EPYC: variants seen among roughly 807,000 people sequenced by gnomAD.
The protein encoded by EPYC is epiphycan, also known as dermatan sulfate proteoglycan 3.
In EPYC, 28 loss-of-function variants were observed where a neutral mutation model predicts 30.1. That is an observed-to-expected ratio of 0.93 (90% CI 0.69 to 1.28). EPYC has a LOEUF of 1.28. Ranked by LOEUF, EPYC falls within the 50% of genes most tolerant of loss-of-function variation. The pLI, the probability that EPYC is intolerant of heterozygous loss-of-function variation, is 0.00. For synonymous variants in EPYC, 144 were observed against 141.4 expected, an observed-to-expected ratio of 1.02 and a Z score of -0.13; for missense variants, 382 against 383.5, an observed-to-expected ratio of 1.00 and a Z score of 0.03.
intron 6 of EPYC, among the ~76,000 whole-genome samples, chr12:90,968,862 A>G (rs970327354): frequency 4.6e-5 from 7 of 151,982 alleles, no homozygotes; most frequent in African/African-American, 1.7e-4. Context: ...CTTTATATGC[A>G]TAGAAATTCA....
intron 6 of EPYC, among the ~76,000 whole-genome samples, chr12:90,968,934 C>T (rs972851982): frequency 1.3e-5 from 2 of 151,288 alleles, no homozygotes; most frequent in African/African-American, 4.9e-5. Context: ...AATACATATA[C>T]AATAGGCAAG....
chr12:90,992,573 A>C (rs1877610618), intron 2 of EPYC, among the ~76,000 whole-genome samples: 1 of 152,160 alleles, frequency 6.6e-6, no homozygotes, highest in South Asian at 2.1e-4. Context: ...TTAGCACAAA[A>C]AGGGGAATTC....
At chr12:90,989,225 G>A (rs1877524222) in intron 2 of EPYC, among the ~76,000 whole-genome samples, 1 of 151,722 alleles carries the variant, frequency 6.6e-6, no homozygotes, top group African/African-American at 2.4e-5. Context: ...TATTTTTGTT[G>A]CTTTATCCTC....
At chr12:90,989,943 T>C (rs77037202) in intron 2 of EPYC, among the ~76,000 whole-genome samples, 3,877 of 152,128 alleles carry the variant, frequency 0.025, 134 homozygotes, top group East Asian at 0.16. Context: ...TTTAGACACA[T>C]TATCTAATAG....
At chr12:90,979,503 T>A (rs1328555539) in intron 2 of EPYC, among the ~76,000 whole-genome samples, 1 of 152,204 alleles carries the variant, frequency 6.6e-6, no homozygotes. Context: ...CAAAAAATTT[T>A]AGGAATACAC....
chr12:90,978,880 C>A (rs1877259591), intron 2 of EPYC, among the ~76,000 whole-genome samples: 1 of 151,972 alleles, frequency 6.6e-6, no homozygotes, highest in Admixed American at 6.6e-5. Context: ...TTGTGATATG[C>A]CATTTCTCAT....
intron 3 of EPYC, 29 bp from the exon 4 acceptor site, chr12:90,973,009 T>C: frequency 6.8e-7 from 1 of 1,460,122 alleles, no homozygotes; most frequent in Non-Finnish European, 9.4e-7. Context: ...TAAAATTAAA[T>C]GTAAGTACCA....
At chr12:90,990,469 T>C (rs576215474) in intron 2 of EPYC, among the ~76,000 whole-genome samples, 22 of 152,284 alleles carry the variant, frequency 1.4e-4, no homozygotes, top group Non-Finnish European at 2.5e-4. Flanking sequence ...GTTAATTTTT[T>C]ATTACTGTCC....
intron 2 of EPYC, among the ~76,000 whole-genome samples, chr12:90,990,450 T>C (rs1877556436): frequency 2.0e-5 from 3 of 152,268 alleles, no homozygotes; most frequent in Middle Eastern, 3.4e-3. Context: ...AAAAGGATAA[T>C]CATTACATGT....
intron 2 of EPYC, among the ~76,000 whole-genome samples, chr12:90,979,510 A>G (rs1592626207): frequency 6.6e-6 from 1 of 152,298 alleles, no homozygotes; most frequent in South Asian, 2.1e-4. Context: ...TTTTAGGAAT[A>G]CACTTATGAT....
At chr12:90,979,000 T>A (rs1877263865) in intron 2 of EPYC, among the ~76,000 whole-genome samples, 1 of 152,162 alleles carries the variant, frequency 6.6e-6, no homozygotes, top group Non-Finnish European at 1.5e-5. Context: ...ATTACAAAAT[T>A]ATTCAAAGGT....
At chr12:90,972,760 C>T in intron 4 of EPYC, 62 bp downstream of exon 4, 1 of 1,399,178 alleles carries the variant, frequency 7.1e-7, no homozygotes, top group Non-Finnish European at 9.8e-7. Flanking sequence ...TAACATTTAA[C>T]AATGTAAAAA....
At position 90,988,704 on chromosome 12, in the gene EPYC, C is replaced by A. The variant is rs1245081071; in HGVS notation, c.166-10442G>T. The stretch of plus-strand genomic sequence containing the variant: ...TGGCAAGTCTTATTAGTAGCTGTAA[C>A]AAACAAGTCCAAAATCCCAGTGGTT... On this transcript the variant is annotated intron_variant, in intron 2 of 6. Transcript: ENST00000261172. 3.3e-5 allele frequency among the ~76,000 whole-genome samples: 5 copies of A among 152,228 alleles called. No individual in the cohort carries two copies. In the East Asian group the frequency reaches 9.7e-4, roughly 29 times the overall value.
Position 90,972,968 on chromosome 12 carries a change from C to A in EPYC, c.353G>T (p.Cys118Phe). Residue 118 changes from cysteine (C) to phenylalanine (F), a missense_variant, in exon 4 of 7, where the codon TGT becomes TTT. By Grantham distance (205) the Cys-to-Phe change is radical. Transcript: ENST00000261172. ...GGTACTTATACAAGTACACAAAAGACAGGTTGGAAAGTCTAAAAGATAAAG... is the reference window on the plus strand; with the variant it reads ...GGTACTTATACAAGTACACAAAAGAAAGGTTGGAAAGTCTAAAAGATAAAG... Reference protein sequence around the residue: ...GPHTNEDFPTCLLCTCISTTV... With the variant: ...GPHTNEDFPTFLLCTCISTTV... 3 of 1,586,070 alleles carry A rather than the reference C, an allele frequency of 1.9e-6. No homozygotes were observed. Among genetic ancestry groups the A allele is most frequent in the Non-Finnish European group, 2.6e-6 (3 of 1,164,984 alleles).
At chr12:90,967,396 T>C (rs1397389375) in intron 6 of EPYC, among the ~76,000 whole-genome samples, 1 of 152,150 alleles carries the variant, frequency 6.6e-6, no homozygotes, top group Non-Finnish European at 1.5e-5. Flanking sequence ...ATCCACGTAT[T>C]TGTGAATTTC....
rs148008224 is a variant in EPYC, at chr12:90,964,249, C to T, written c.876G>A (p.Glu292=). 1 of 1,613,270 alleles carries T rather than the reference C, an allele frequency of 6.2e-7. No individual in the cohort carries two copies. The change falls in exon 7 of 7, where the codon GAG becomes GAA. Residue 292 remains glutamate (E), a synonymous_variant. Coordinates refer to ENST00000261172, the MANE Select transcript of EPYC (RefSeq NM_004950.5). ...TAGGGTTTCCATCCAATCGAATGTCCTCTAGTGCCTTACGAATATAAGTCA... is the reference window on the plus strand; with the variant it reads ...TAGGGTTTCCATCCAATCGAATGTCTTCTAGTGCCTTACGAATATAAGTCA... ...KNLTYIRKAL[E]DIRLDGNPIN...
chr12:90,964,501 A>T (rs973100713), intron 6 of EPYC, among the ~76,000 whole-genome samples, 175 bp from the exon 7 acceptor site: 14 of 152,150 alleles, frequency 9.2e-5, no homozygotes, highest in Non-Finnish European at 1.5e-4. Flanking sequence ...TAGGAAATAG[A>T]CATGCTCCTG....
chr12:90,993,215 A>G (rs1048193302), intron 2 of EPYC, among the ~76,000 whole-genome samples: 3 of 152,064 alleles, frequency 2.0e-5, no homozygotes, highest in African/African-American at 7.2e-5. Flanking sequence ...AATTGCATAC[A>G]TTTCATTTTG....
intron 6 of EPYC, among the ~76,000 whole-genome samples, chr12:90,968,733 G>A (rs1210987173): frequency 1.3e-5 from 2 of 151,972 alleles, no homozygotes; most frequent in Non-Finnish European, 2.9e-5. Flanking sequence ...TTTATTGGTA[G>A]AATCAATATC....
Sources: allele counts gnomAD v4.1 joint callset (sites outside exome capture counted in the v4.1 genomes callset), GRCh38; gene constraint gnomAD v4.1.1; transcripts MANE v1.5; gene names NCBI Gene and HGNC (gene_info 2026-07-23, HGNC 2026-07-21).